The following SOX6 variants were observed in gnomAD, a reference collection of about 807,000 sequenced individuals.
The protein encoded by SOX6 is SRY-box transcription factor 6, also known as transcription factor SOX-6.
Under a neutral mutation model 97.8 loss-of-function variants are expected in SOX6, and 11 were observed. The ratio of observed to expected loss-of-function variants is 0.11; its 90% confidence interval spans 0.07 to 0.19. SOX6 has a LOEUF of 0.19. Among genes scored for constraint, SOX6 ranks in the 10% least tolerant of loss-of-function variants. The probability of loss-of-function intolerance (pLI) is 1.00; values close to 1 mark genes in which losing one functional copy is unlikely to be tolerated. For synonymous variants in SOX6, 360 were observed against 371.4 expected, an observed-to-expected ratio of 0.97 and a Z score of 0.35; for missense variants, 810 against 1,039.5, an observed-to-expected ratio of 0.78 and a Z score of 3.04.
intron 4 of SOX6, among the ~76,000 whole-genome samples, chr11:16,574,519 G>C (rs985533988): frequency 2.0e-5 from 3 of 152,054 alleles, no homozygotes; most frequent in African/African-American, 7.2e-5. Context: ...AGTCACTGGA[G>C]ATTATCTTTA....
intron 4 of SOX6, among the ~76,000 whole-genome samples, chr11:16,579,211 T>C (rs889495365): frequency 2.8e-4 from 42 of 152,068 alleles, no homozygotes; most frequent in African/African-American, 8.9e-4. Flanking sequence ...TACATAGCCT[T>C]TTTAGAATTC....
At chr11:16,347,696 T>TA (rs1355189802) in intron 1 of SOX6, among the ~76,000 whole-genome samples, 1 of 152,056 alleles carries the variant, frequency 6.6e-6, no homozygotes, top group Non-Finnish European at 1.5e-5. Flanking sequence ...ATTATATTAA[T>TA]AAAAATCATA....
intron 12 of SOX6, 186 bp from the exon 13 acceptor site, chr11:16,015,236 C>CATCTAGACCATAGT: frequency 1.6e-6 from 1 of 627,728 alleles, no homozygotes; most frequent in South Asian, 1.8e-5. Flanking sequence ...GCACTGACAG[C>CATCTAGACCATAGT]ATCTAGACCA....
chr11:16,026,602 G>A lies in SOX6; in HGVS notation c.1624-11552C>T, dbSNP rs184562138. Among the ~76,000 whole-genome samples the A allele has an allele frequency of 2.7e-3, 417 of 152,112 alleles. 6 individuals are homozygous for A. Among genetic ancestry groups the A allele is most frequent in the Non-Finnish European group, 2.4e-3 (166 of 67,994 alleles). ...ATGCAAAGACTGCTGCTAAGAAGAG[G>A]GCCTTTCTTCAGAAAAAAGCTGATT... On this transcript the variant is annotated intron_variant, in intron 12 of 15. Coordinates refer to ENST00000683767, the MANE Select transcript of SOX6 (RefSeq NM_001367873.1).
rs1212009625 is a variant in SOX6, at chr11:16,576,539, T to C, written n.609+35542A>G. ...GTAATAAGATATATCTTCTGTAATA[T>C]CATAAAATGATGTTTAACATTATTC... On this transcript the variant is annotated intron_variant and non_coding_transcript_variant, in intron 4 of 5. Transcript: ENST00000524520. Among the ~76,000 whole-genome samples the C allele has an allele frequency of 5.9e-5, 9 of 152,198 alleles. No individual in the cohort carries two copies. The East Asian group carries it at 1.5e-3, about 26-fold the overall frequency.
intron 1 of SOX6, among the ~76,000 whole-genome samples, chr11:16,429,076 G>T (rs1382848779): frequency 6.6e-6 from 1 of 152,178 alleles, no homozygotes; most frequent in East Asian, 1.9e-4. Context: ...TATAAAAAAA[G>T]TTCAACGTCA....
At chr11:16,377,065 A>T (rs2134403155) in intron 1 of SOX6, among the ~76,000 whole-genome samples, 1 of 152,132 alleles carries the variant, frequency 6.6e-6, no homozygotes, top group Non-Finnish European at 1.5e-5. Context: ...TTACAGAGTT[A>T]TTGAAGATGT....
At chr11:16,421,693 G>A (rs1859024861) in intron 1 of SOX6, among the ~76,000 whole-genome samples, 1 of 152,168 alleles carries the variant, frequency 6.6e-6, no homozygotes, top group Non-Finnish European at 1.5e-5. Context: ...AACTATGACT[G>A]TTCTTGTTCT....
At chr11:16,518,692 G>T (rs1055130758) in intron 4 of SOX6, among the ~76,000 whole-genome samples, 1 of 152,088 alleles carries the variant, frequency 6.6e-6, no homozygotes, top group African/African-American at 2.4e-5. Context: ...TCCCATGATA[G>T]ATCAAAGGAA....
At chr11:16,504,567 GA>G (rs71313432) in intron 4 of SOX6, among the ~76,000 whole-genome samples, 7 of 150,794 alleles carry the variant, frequency 4.6e-5, no homozygotes, top group African/African-American at 1.7e-4. Context: ...ACCACTGATG[GA>G]AAAAAAAATG....
chr11:16,186,520 A>G (rs1851480861), intron 5 of SOX6, among the ~76,000 whole-genome samples: 1 of 152,170 alleles, frequency 6.6e-6, no homozygotes, highest in African/African-American at 2.4e-5. Context: ...AGCATCCCCA[A>G]ATCATTAATC....
chr11:16,352,734 CATT>C (rs1398906835), intron 1 of SOX6, among the ~76,000 whole-genome samples: 1 of 152,088 alleles, frequency 6.6e-6, no homozygotes, highest in African/African-American at 2.4e-5. Flanking sequence ...TCTAAATACT[CATT>C]TAATCAGAGC....
chr11:16,178,391 A>G (rs1851255338), intron 6 of SOX6, among the ~76,000 whole-genome samples: 1 of 151,994 alleles, frequency 6.6e-6, no homozygotes, highest in East Asian at 1.9e-4. Flanking sequence ...TACATAAAAG[A>G]AATAATTAGA....
chr11:16,103,990 C>A (rs1041467929), intron 7 of SOX6, among the ~76,000 whole-genome samples: 1 of 146,650 alleles, frequency 6.8e-6, no homozygotes. Context: ...AAAAATAAAA[C>A]AAATAAAAAT....
At chr11:16,297,185 C>T (rs1268768568) in intron 3 of SOX6, among the ~76,000 whole-genome samples, 1 of 152,056 alleles carries the variant, frequency 6.6e-6, no homozygotes, top group Non-Finnish European at 1.5e-5. Flanking sequence ...TTATTCAAAA[C>T]TATTTGTCAC....
intron 4 of SOX6, among the ~76,000 whole-genome samples, chr11:16,210,033 T>A (rs1302507987): frequency 6.6e-6 from 1 of 152,168 alleles, no homozygotes; most frequent in African/African-American, 2.4e-5. Context: ...CCACATACAC[T>A]ACTGGTTGGA....
chr11:16,720,942 T>C (rs1026901574), intron 2 of SOX6, among the ~76,000 whole-genome samples: 10 of 152,154 alleles, frequency 6.6e-5, no homozygotes, highest in African/African-American at 2.4e-4. Flanking sequence ...AAAAGTCCAG[T>C]AGCATCTTCC....
At chr11:16,520,235 C>T (rs1861037314) in intron 4 of SOX6, among the ~76,000 whole-genome samples, 1 of 152,122 alleles carries the variant, frequency 6.6e-6, no homozygotes, top group Non-Finnish European at 1.5e-5. Flanking sequence ...GTTTTTGTTG[C>T]ATTTGCTTTT....
At chr11:16,201,115 C>CA (rs58967902) in intron 4 of SOX6, among the ~76,000 whole-genome samples, 1,243 of 95,600 alleles carry the variant, frequency 0.013, 13 homozygotes, top group African/African-American at 0.032. Flanking sequence ...GACTCCGTCT[C>CA]AAAAAAAAAA....
Sources: allele counts gnomAD v4.1 joint callset (sites outside exome capture counted in the v4.1 genomes callset), GRCh38; gene constraint gnomAD v4.1.1; transcripts MANE v1.5; gene names NCBI Gene and HGNC (gene_info 2026-07-23, HGNC 2026-07-21).